SOX6: variants seen among roughly 807,000 people sequenced by gnomAD.
The protein encoded by SOX6 is SRY-box transcription factor 6, also known as transcription factor SOX-6.
SOX6 carries 11 observed loss-of-function variants against 97.8 expected under a neutral mutation model. That is an observed-to-expected ratio of 0.11 (90% confidence interval 0.07 to 0.19). The LOEUF is 0.19. Among genes scored for constraint, SOX6 ranks in the 10% least tolerant of loss-of-function variants. The pLI, the probability that SOX6 is intolerant of heterozygous loss-of-function variation, is 1.00. For missense variants in SOX6, 810 were observed against 1,039.5 expected (o/e 0.78, Z 3.04); for synonymous variants, 360 against 371.4 (o/e 0.97, Z 0.35).
intron 1 of SOX6, among the ~76,000 whole-genome samples, chr11:16,470,914 A>T (rs939588969): frequency 6.6e-6 from 1 of 152,148 alleles, no homozygotes. Context: ...GTTAGGCAAT[A>T]ATCACTTTTT....
In SOX6 at chr11:16,030,218, A is replaced by T. The variant is rs76479032; in HGVS notation, c.1624-15168T>A. On this transcript the variant is annotated intron_variant, in intron 12 of 15. Coordinates refer to ENST00000683767, the MANE Select transcript of SOX6 (RefSeq NM_001367873.1). ...TAGTGTAAATATGATCTATTTAGAA[A>T]CTCTTAGGTTTGAATAAATATGATC... Among the ~76,000 whole-genome samples the T allele has an allele frequency of 6.8e-4, 104 of 152,204 alleles. No individual in the cohort carries two copies. The East Asian group carries it at 0.019, about 28-fold the overall frequency.
intron 1 of SOX6, among the ~76,000 whole-genome samples, chr11:16,433,480 T>C (rs1349301057): frequency 6.6e-6 from 1 of 152,132 alleles, no homozygotes; most frequent in Non-Finnish European, 1.5e-5. Flanking sequence ...AGATTTGGAA[T>C]ATGACCTATA....
At chr11:16,530,395 C>A (rs1036196725) in intron 4 of SOX6, among the ~76,000 whole-genome samples, 2 of 151,888 alleles carry the variant, frequency 1.3e-5, no homozygotes, top group Non-Finnish European at 2.9e-5. Context: ...TTTCTTTACC[C>A]TTCTCCTTTG....
intron 4 of SOX6, among the ~76,000 whole-genome samples, chr11:16,517,422 A>G (rs949124343): frequency 2.0e-5 from 3 of 152,224 alleles, no homozygotes; most frequent in African/African-American, 4.8e-5. Context: ...TTGTATATCT[A>G]GAAAACCCCA....
intron 4 of SOX6, among the ~76,000 whole-genome samples, chr11:16,218,255 T>C (rs2134153102): frequency 6.6e-6 from 1 of 152,216 alleles, no homozygotes; most frequent in Non-Finnish European, 1.5e-5. Context: ...TACTACCACT[T>C]TATTGCTAGA....
chr11:16,287,932 A>T (rs954968126), intron 3 of SOX6, among the ~76,000 whole-genome samples: 9 of 152,176 alleles, frequency 5.9e-5, no homozygotes, highest in Non-Finnish European at 1.3e-4. Context: ...AATTTAAAGT[A>T]TATTTAAGCT....
At chr11:16,114,620 G>C (rs1272280209) in intron 6 of SOX6, among the ~76,000 whole-genome samples, 1 of 152,080 alleles carries the variant, frequency 6.6e-6, no homozygotes, top group Non-Finnish European at 1.5e-5. Context: ...AAGAAAACAT[G>C]AGCCAACTAA....
chr11:16,539,356 A>G (rs1250189018), intron 4 of SOX6, among the ~76,000 whole-genome samples: 1 of 152,216 alleles, frequency 6.6e-6, no homozygotes, highest in Non-Finnish European at 1.5e-5. Flanking sequence ...AAATGCCCAC[A>G]AGAGAAAGCA....
At chr11:16,117,657 AT>A (rs1241951991) in intron 6 of SOX6, among the ~76,000 whole-genome samples, 1 of 152,150 alleles carries the variant, frequency 6.6e-6, no homozygotes, top group Non-Finnish European at 1.5e-5. Context: ...CATCCAGGAT[AT>A]TTTCCTTTTA....
intron 3 of SOX6, among the ~76,000 whole-genome samples, chr11:16,247,156 T>A (rs1326166866): frequency 6.6e-6 from 1 of 152,196 alleles, no homozygotes; most frequent in African/African-American, 2.4e-5. Context: ...TGAGAATATG[T>A]CACAAATATC....
intron 6 of SOX6, among the ~76,000 whole-genome samples, chr11:16,131,528 T>G (rs80299833): frequency 0.012 from 1,898 of 152,206 alleles, 39 homozygotes; most frequent in African/African-American, 0.043. Flanking sequence ...ATAGCCACTT[T>G]CTTTTACAGA....
At chr11:16,139,150 C>T (rs757331459) in intron 6 of SOX6, among the ~76,000 whole-genome samples, 16 of 152,154 alleles carry the variant, frequency 1.1e-4, no homozygotes, top group African/African-American at 2.7e-4. Context: ...CTGTTAATGT[C>T]GCCTGAGTAA....
chr11:16,419,580 T>C (rs1414486496), intron 1 of SOX6, among the ~76,000 whole-genome samples: 1 of 152,062 alleles, frequency 6.6e-6, no homozygotes, highest in African/African-American at 2.4e-5. Flanking sequence ...AATAAAAACA[T>C]TGTTTTTGCA....
At chr11:16,625,569 CT>C (rs1299701836) in intron 3 of SOX6, among the ~76,000 whole-genome samples, 4 of 152,272 alleles carry the variant, frequency 2.6e-5, no homozygotes, top group African/African-American at 9.6e-5. Flanking sequence ...TCCTGATGGG[CT>C]CCTGGATTGA....
chr11:16,145,375 C>A (rs1412098620), intron 6 of SOX6, among the ~76,000 whole-genome samples: 1 of 151,176 alleles, frequency 6.6e-6, no homozygotes, highest in Non-Finnish European at 1.5e-5. Context: ...CTATTTATGA[C>A]AAACCCACAG....
intron 15 of SOX6, among the ~76,000 whole-genome samples, chr11:15,982,092 G>T (rs1274864204): frequency 4.6e-5 from 7 of 151,950 alleles, no homozygotes; most frequent in Admixed American, 4.6e-4. Flanking sequence ...ATTTGAGCCA[G>T]ACTAGTCTGA....
At chr11:16,379,959 A>C (rs1018064782) in intron 1 of SOX6, among the ~76,000 whole-genome samples, 1 of 151,954 alleles carries the variant, frequency 6.6e-6, no homozygotes, top group African/African-American at 2.4e-5. Flanking sequence ...TATACCATTA[A>C]ATTAAAAAGT....
At chr11:16,169,711 C>T (rs555150810) in intron 6 of SOX6, among the ~76,000 whole-genome samples, 9 of 152,122 alleles carry the variant, frequency 5.9e-5, no homozygotes, top group African/African-American at 1.7e-4. Context: ...GCCAAGGATG[C>T]TGCTTAGTAA....
chr11:16,628,186 G>C (rs1309509783), intron 3 of SOX6, among the ~76,000 whole-genome samples: 1 of 152,030 alleles, frequency 6.6e-6, no homozygotes, highest in Non-Finnish European at 1.5e-5. Flanking sequence ...ATGCTGTTTT[G>C]GTTACTGTAG....
Sources: allele counts gnomAD v4.1 joint callset (sites outside exome capture counted in the v4.1 genomes callset), GRCh38; gene constraint gnomAD v4.1.1; transcripts MANE v1.5; gene names NCBI Gene and HGNC (gene_info 2026-07-23, HGNC 2026-07-21).